Variants in CCDC81 observed in about 807,000 individuals in gnomAD.
CCDC81 encodes the protein coiled-coil domain-containing protein 81.
A neutral mutation model predicts 83.7 loss-of-function variants in CCDC81; 79 were observed. The observed-to-expected ratio is 0.94, with a 90% confidence interval of 0.79 to 1.14. CCDC81 has a LOEUF of 1.14. Among genes scored for constraint, CCDC81 ranks in the 50% most tolerant of loss-of-function variants. CCDC81 has a pLI of 0.00. For synonymous variants in CCDC81, 252 were observed against 278.1 expected, an observed-to-expected ratio of 0.91 and a Z score of 0.93; for missense variants, 791 against 778.1, an observed-to-expected ratio of 1.02 and a Z score of -0.20.
chr11:86,381,396 T>C (rs1948174924), intron 1 of CCDC81, among the ~76,000 whole-genome samples: 1 of 152,188 alleles, frequency 6.6e-6, no homozygotes, highest in Non-Finnish European at 1.5e-5. Flanking sequence ...CTCTTATATT[T>C]ACCTGGATAT....
chr11:86,418,963 G>A lies in CCDC81; in HGVS notation c.1692-965G>A, dbSNP rs371252038. On this transcript the variant is annotated intron_variant, in intron 13 of 14. Transcript: ENST00000445632. ...TCATTGAGCTCCAGTTACATGATAGGCACTGGCACTTCCTGTGTATCATTT... is the reference window on the plus strand; with the variant it reads ...TCATTGAGCTCCAGTTACATGATAGACACTGGCACTTCCTGTGTATCATTT... 5 of 152,270 alleles carry A rather than the reference G, an allele frequency of 3.3e-5. 1 individual carries two copies. Among genetic ancestry groups the A allele is most frequent in the African/African-American group, 1.2e-4 (5 of 41,548 alleles). 9.4% of individuals were successfully genotyped at this position (152,270 alleles called of 1,614,324 possible).
intron 10 of CCDC81, among the ~76,000 whole-genome samples, chr11:86,411,276 G>A (rs569312829): frequency 6.6e-6 from 1 of 152,004 alleles, no homozygotes; most frequent in Non-Finnish European, 1.5e-5. Context: ...TTTCCATCTA[G>A]TGTCTTTGCG....
intron 1 of CCDC81, among the ~76,000 whole-genome samples, chr11:86,376,439 T>C (rs1457245959): frequency 6.6e-6 from 1 of 152,098 alleles, no homozygotes; most frequent in Non-Finnish European, 1.5e-5. Flanking sequence ...AAACTTAAAA[T>C]CATGGCAGAA....
chr11:86,380,842 C>G (rs1948167272), intron 1 of CCDC81, among the ~76,000 whole-genome samples: 1 of 152,214 alleles, frequency 6.6e-6, no homozygotes, highest in Admixed American at 6.5e-5. Context: ...TGCATGCTGT[C>G]TACTATATCC....
intron 14 of CCDC81, among the ~76,000 whole-genome samples, chr11:86,420,629 G>A (rs1351308140): frequency 1.3e-5 from 2 of 152,102 alleles, no homozygotes; most frequent in Non-Finnish European, 2.9e-5. Context: ...AACAGATCAA[G>A]TCTATACAAT....
Position 86,412,559 on chromosome 11 carries a change from A to C in CCDC81, c.1391A>C (p.Glu464Ala). Reference protein sequence around the residue: ...DRLEQVQLTEELAAQRAKFLK... With the variant: ...DRLEQVQLTEALAAQRAKFLK... The stretch of plus-strand genomic sequence containing the variant: ...CTGGAACAAGTGCAACTCACAGAGG[A>C]GTGAGTCCAGCTACACACGCTCTGA... Residue 464 changes from glutamate to alanine, a missense_variant and splice_region_variant, in exon 11 of 15, where the codon GAA becomes GCA. Glu to Ala is a moderately radical substitution (Grantham distance 107). Transcript: ENST00000445632. 6.2e-7 allele frequency: 1 copy of C among 1,601,196 alleles called. No homozygotes were observed. Among genetic ancestry groups the C allele is most frequent in the Non-Finnish European group, 8.5e-7 (1 of 1,175,392 alleles).
intron 1 of CCDC81, among the ~76,000 whole-genome samples, chr11:86,384,568 C>T (rs1948216879): frequency 6.6e-6 from 1 of 152,086 alleles, no homozygotes; most frequent in Non-Finnish European, 1.5e-5. Flanking sequence ...CTCTGATATA[C>T]CAGAATTAAA....
intron 1 of CCDC81, among the ~76,000 whole-genome samples, chr11:86,380,464 T>C (rs1227204688): frequency 6.6e-6 from 1 of 152,202 alleles, no homozygotes; most frequent in Non-Finnish European, 1.5e-5. Context: ...TTGGTGTTAT[T>C]TGAGCTTCCT....
At chr11:86,376,254 C>CT (rs1295493555) in intron 1 of CCDC81, among the ~76,000 whole-genome samples, 1 of 151,978 alleles carries the variant, frequency 6.6e-6, no homozygotes, top group East Asian at 1.9e-4. Flanking sequence ...ACAGTAAGAA[C>CT]TTTTTTTAAA....
At chr11:86,375,958 C>T (rs987696453) in intron 1 of CCDC81, among the ~76,000 whole-genome samples, 1 of 152,226 alleles carries the variant, frequency 6.6e-6, no homozygotes, top group Non-Finnish European at 1.5e-5. Flanking sequence ...CTGCTTCTTT[C>T]TCTTCCCCTG....
chr11:86,409,860 T>G (rs185686427), intron 10 of CCDC81, among the ~76,000 whole-genome samples: 85 of 152,342 alleles, frequency 5.6e-4, no homozygotes, highest in African/African-American at 1.9e-3. Flanking sequence ...TCACATTCAC[T>G]GTACCATTCC....
chr11:86,385,069 C>T (rs957696145), intron 1 of CCDC81, among the ~76,000 whole-genome samples: 1 of 152,216 alleles, frequency 6.6e-6, no homozygotes, highest in African/African-American at 2.4e-5. Flanking sequence ...GCTCCTTGTC[C>T]TACTCAAATG....
chr11:86,398,407 C>T (rs1948438686), intron 6 of CCDC81, among the ~76,000 whole-genome samples: 1 of 152,056 alleles, frequency 6.6e-6, no homozygotes, highest in Non-Finnish European at 1.5e-5. Flanking sequence ...CAAAGAGTGG[C>T]AGTTTTATCA....
intron 6 of CCDC81, 26 bp from the exon 7 acceptor site, chr11:86,400,652 G>C (rs559821690): frequency 6.4e-7 from 1 of 1,570,556 alleles, no homozygotes; most frequent in Non-Finnish European, 8.7e-7. Flanking sequence ...AAGGAGACTC[G>C]TTTTCATTCA....
chr11:86,413,375 A>C (rs2138537403), intron 11 of CCDC81, among the ~76,000 whole-genome samples: 1 of 152,232 alleles, frequency 6.6e-6, no homozygotes, highest in East Asian at 1.9e-4. Flanking sequence ...TTTAGGCAGG[A>C]AAACAAAAAT....
chr11:86,403,491 T>C (rs1948521858), intron 7 of CCDC81, among the ~76,000 whole-genome samples: 1 of 152,130 alleles, frequency 6.6e-6, no homozygotes, highest in Admixed American at 6.5e-5. Flanking sequence ...TTGAAAAAAA[T>C]ATTCTTTTAG....
intron 11 of CCDC81, among the ~76,000 whole-genome samples, chr11:86,413,837 C>A (rs751547280): frequency 1.1e-4 from 16 of 152,158 alleles, no homozygotes; most frequent in Non-Finnish European, 1.5e-4. Context: ...GACTAAAAAT[C>A]CATGTAGAGC....
chr11:86,376,008 T>C (rs1419687643), intron 1 of CCDC81, among the ~76,000 whole-genome samples: 3 of 152,246 alleles, frequency 2.0e-5, no homozygotes, highest in Admixed American at 2.0e-4. Flanking sequence ...TCCTGAAAGA[T>C]GCATTGAAGA....
intron 1 of CCDC81, among the ~76,000 whole-genome samples, chr11:86,379,658 C>T (rs1346197691): frequency 6.6e-6 from 1 of 152,104 alleles, no homozygotes; most frequent in Non-Finnish European, 1.5e-5. Context: ...ACTAGACAAA[C>T]TGCTATCTGT....
Sources: gnomAD v4.1 joint callset for allele counts (sites outside exome capture counted in the v4.1 genomes callset) on GRCh38, gnomAD v4.1.1 for gene constraint, MANE v1.5 for transcripts, NCBI Gene and HGNC (gene_info 2026-07-23, HGNC 2026-07-21) for gene names.